GRM8: variants seen among roughly 807,000 people sequenced by gnomAD.
The protein encoded by GRM8 is glutamate metabotropic receptor 8, also known as metabotropic glutamate receptor 8.
In GRM8, 47 loss-of-function variants were observed where a neutral mutation model predicts 87.2. The ratio of observed to expected loss-of-function variants is 0.54; its 90% confidence interval spans 0.43 to 0.69. The LOEUF (loss-of-function observed/expected upper bound fraction) is 0.69, where lower values mean the gene tolerates loss of function less well. Ranked by LOEUF, GRM8 falls within the 30% of genes least tolerant of loss-of-function variation. The pLI is 0.00. For synonymous variants in GRM8, 396 were observed against 404.5 expected (o/e 0.98, Z 0.25); for missense variants, 1,019 against 1,139.2 (o/e 0.89, Z 1.52).
intron 10 of GRM8, among the ~76,000 whole-genome samples, chr7:126,443,601 A>G (rs1240593493): frequency 2.0e-5 from 3 of 152,032 alleles, no homozygotes; most frequent in Non-Finnish European, 4.4e-5. Flanking sequence ...AGATCAATGC[A>G]CTAAAATCTC....
intron 3 of GRM8, among the ~76,000 whole-genome samples, chr7:127,073,429 CT>C (rs1821932468): frequency 6.6e-6 from 1 of 152,134 alleles, no homozygotes; most frequent in Non-Finnish European, 1.5e-5. Flanking sequence ...AAGACAGATA[CT>C]TTTAGAGGGG....
chr7:126,517,985 A>G (rs1281472136), intron 9 of GRM8, among the ~76,000 whole-genome samples: 1 of 152,064 alleles, frequency 6.6e-6, no homozygotes, highest in Non-Finnish European at 1.5e-5. Context: ...GCTTTTTCTT[A>G]GGTTCCATAG....
At chr7:126,702,159 T>A (rs1585585064) in intron 7 of GRM8, among the ~76,000 whole-genome samples, 1 of 152,204 alleles carries the variant, frequency 6.6e-6, no homozygotes, top group Non-Finnish European at 1.5e-5. Flanking sequence ...GAAAGCCCCT[T>A]GCCTTGTGGA....
chr7:126,439,957 G>C (rs1801270286), intron 10 of GRM8, among the ~76,000 whole-genome samples: 1 of 151,730 alleles, frequency 6.6e-6, no homozygotes, highest in Non-Finnish European at 1.5e-5. Flanking sequence ...ATTTTTTATA[G>C]CTGGACAATG....
intron 2 of GRM8, among the ~76,000 whole-genome samples, chr7:127,225,982 C>T (rs1293364178): frequency 6.6e-6 from 1 of 152,142 alleles, no homozygotes; most frequent in African/African-American, 2.4e-5. Context: ...TATTTGTACA[C>T]GTCATTCATT....
At chr7:127,046,086 T>C (rs965184284) in intron 3 of GRM8, among the ~76,000 whole-genome samples, 1 of 152,220 alleles carries the variant, frequency 6.6e-6, no homozygotes, top group Admixed American at 6.5e-5. Context: ...ATATTTTCTA[T>C]TTTTTCCTAA....
chr7:126,967,567 G>A (rs1810003486), intron 3 of GRM8, among the ~76,000 whole-genome samples: 1 of 150,606 alleles, frequency 6.6e-6, no homozygotes, highest in African/African-American at 2.4e-5. Context: ...AAAAAGTACA[G>A]CACTCTCAGA....
intron 8 of GRM8, among the ~76,000 whole-genome samples, chr7:126,536,716 CATAAG>C (rs1815784014): frequency 6.6e-6 from 1 of 151,984 alleles, no homozygotes; most frequent in Non-Finnish European, 1.5e-5. Context: ...CTAAGGGACT[CATAAG>C]ATAAGAAAAT....
chr7:126,651,318 G>A (rs575707517), intron 7 of GRM8, among the ~76,000 whole-genome samples: 22 of 152,308 alleles, frequency 1.4e-4, no homozygotes, highest in African/African-American at 5.1e-4. Flanking sequence ...TTGACAGAAT[G>A]GCAGAATGGC....
chr7:127,061,568 G>A (rs1820594743), intron 3 of GRM8, among the ~76,000 whole-genome samples: 3 of 152,160 alleles, frequency 2.0e-5, no homozygotes, highest in Admixed American at 1.3e-4. Context: ...GGCCCCTGCA[G>A]CAGAATATTC....
intron 6 of GRM8, among the ~76,000 whole-genome samples, chr7:126,793,244 G>T (rs1455294542): frequency 6.6e-6 from 1 of 151,998 alleles, no homozygotes; most frequent in African/African-American, 2.4e-5. Flanking sequence ...AGTAATCATT[G>T]CCGTGTGAAC....
intron 7 of GRM8, among the ~76,000 whole-genome samples, chr7:126,645,236 G>A (rs1267007311): frequency 6.6e-6 from 1 of 152,150 alleles, no homozygotes; most frequent in Non-Finnish European, 1.5e-5. Context: ...TTACTGCTCT[G>A]GAGTCATGTG....
chr7:126,681,803 A>G (rs1399178065), intron 7 of GRM8, among the ~76,000 whole-genome samples: 4 of 152,230 alleles, frequency 2.6e-5, no homozygotes, highest in Non-Finnish European at 5.9e-5. Context: ...CTAAACACAT[A>G]CTTTTAATTG....
chr7:127,078,809 C>G (rs886801530), intron 3 of GRM8, among the ~76,000 whole-genome samples: 2 of 152,214 alleles, frequency 1.3e-5, no homozygotes, highest in South Asian at 4.1e-4. Context: ...ACTAAGGATA[C>G]GTGGTATAAT....
At chr7:126,737,806 T>C (rs1299555393) in intron 7 of GRM8, among the ~76,000 whole-genome samples, 2 of 151,996 alleles carry the variant, frequency 1.3e-5, no homozygotes, top group African/African-American at 4.8e-5. Flanking sequence ...CAAAAAGCTG[T>C]AGTCTAGGGT....
At chr7:126,674,890 G>T (rs894625423) in intron 7 of GRM8, among the ~76,000 whole-genome samples, 2 of 152,174 alleles carry the variant, frequency 1.3e-5, no homozygotes, top group African/African-American at 4.8e-5. Flanking sequence ...ACATAGACAT[G>T]CCATAAATGT....
At position 126,456,519 on chromosome 7, in the gene GRM8, T is replaced by TAAAAAA. The variant is rs513; in HGVS notation, c.2431-10153_2431-10148dup. Among the ~76,000 whole-genome samples, 58 of 69,668 alleles carry TAAAAAA rather than the reference T, an allele frequency of 8.3e-4. 6 individuals carry two copies. The highest frequency in any genetic ancestry group is 8.7e-4 in the South Asian group (2 of 2,300). The allele number at this position is 69,668 out of a possible 152,430, so 45.7% of individuals were successfully genotyped here. ...TCCTAAGTGTAAGAAAGCAGCAAGC[T>TAAAAAA]AAAAAAAAAAAAAAAAAAAAAAAAA... On this transcript the variant is annotated intron_variant, in intron 9 of 10. Coordinates refer to ENST00000339582, the MANE Select transcript of GRM8 (RefSeq NM_000845.3).
intron 6 of GRM8, among the ~76,000 whole-genome samples, chr7:126,824,037 C>T (rs558554698): frequency 3.4e-4 from 52 of 152,212 alleles, no homozygotes; most frequent in African/African-American, 1.2e-3. Context: ...AAAAATAACA[C>T]TTTTGTTTAG....
At position 127,122,866 on chromosome 7, in the gene GRM8, G is replaced by C. The variant is rs1827165542; in HGVS notation, c.511-16154C>G. ...GGGAGAGGGACTGAGAAGAGTAGGG[G>C]GTAGATTAAATATACTGGTTGAGAA... On this transcript the variant is annotated intron_variant, in intron 2 of 10. Coordinates refer to ENST00000339582, the MANE Select transcript of GRM8 (RefSeq NM_000845.3). 2.6e-5 allele frequency among the ~76,000 whole-genome samples: 4 copies of C among 152,040 alleles called. No individual in the cohort carries two copies. The South Asian group carries it at 8.3e-4, about 32-fold the overall frequency.
Sources: gnomAD v4.1 joint callset for allele counts (sites outside exome capture counted in the v4.1 genomes callset) on GRCh38, gnomAD v4.1.1 for gene constraint, MANE v1.5 for transcripts, NCBI Gene and HGNC (gene_info 2026-07-23, HGNC 2026-07-21) for gene names.